Variants in BMPR1B observed in about 807,000 individuals in gnomAD.
The protein encoded by BMPR1B is bone morphogenetic protein receptor type-1B.
In BMPR1B, 12 loss-of-function variants were observed where a neutral mutation model predicts 59.1. That is an observed-to-expected ratio of 0.20 (90% confidence interval 0.13 to 0.33). BMPR1B has a LOEUF of 0.33. Ranked by LOEUF, BMPR1B falls within the 10% of genes least tolerant of loss-of-function variation. BMPR1B has a pLI of 1.00. For missense variants in BMPR1B, 550 were observed against 610.9 expected (o/e 0.90, Z 1.05); for synonymous variants, 237 against 207.3 (o/e 1.14, Z -1.23).
At chr4:94,923,577 T>C (rs964664879) in intron 2 of BMPR1B, among the ~76,000 whole-genome samples, 2 of 152,194 alleles carry the variant, frequency 1.3e-5, no homozygotes, top group African/African-American at 2.4e-5. Context: ...TGAGTGAACC[T>C]TCTTGGACTT....
chr4:94,961,314 C>T (rs564643730), intron 2 of BMPR1B, among the ~76,000 whole-genome samples: 1 of 152,124 alleles, frequency 6.6e-6, no homozygotes, highest in South Asian at 2.1e-4. Flanking sequence ...GGACAATGGC[C>T]GTTTTTCTGC....
intron 1 of BMPR1B, among the ~76,000 whole-genome samples, chr4:94,869,146 T>C (rs867890863): frequency 1.4e-5 from 2 of 147,888 alleles, no homozygotes; most frequent in Non-Finnish European, 3.0e-5. Flanking sequence ...ACACACACTT[T>C]GCTTTAAAGG....
intron 10 of BMPR1B, among the ~76,000 whole-genome samples, chr4:95,148,148 G>A (rs1160490164): frequency 2.0e-5 from 3 of 152,024 alleles, no homozygotes; most frequent in Non-Finnish European, 2.9e-5. Context: ...TGTCTTTGTT[G>A]GTTCTCTCCT....
At chr4:94,806,212 C>G in intron 1 of BMPR1B, among the ~76,000 whole-genome samples, 1 of 152,132 alleles carries the variant, frequency 6.6e-6, no homozygotes, top group East Asian at 1.9e-4. Flanking sequence ...ATGAAAAACT[C>G]AGCTCAGGCT....
intron 3 of BMPR1B, among the ~76,000 whole-genome samples, chr4:95,075,756 C>T (rs1004743982): frequency 6.6e-6 from 1 of 151,742 alleles, no homozygotes; most frequent in Admixed American, 6.6e-5. Flanking sequence ...AGAACACAGT[C>T]AGTTATTTCC....
intron 1 of BMPR1B, among the ~76,000 whole-genome samples, chr4:94,771,007 A>C (rs1356797372): frequency 6.6e-6 from 1 of 152,156 alleles, no homozygotes; most frequent in Non-Finnish European, 1.5e-5. Context: ...CAAATTGCTA[A>C]GAAGTAATTA....
At chr4:94,868,168 T>A (rs1046881916) in intron 1 of BMPR1B, among the ~76,000 whole-genome samples, 8 of 142,532 alleles carry the variant, frequency 5.6e-5, no homozygotes, top group Non-Finnish European at 9.1e-5. Context: ...CAGCCTTACT[T>A]CTTCTTTTTT....
intron 6 of BMPR1B, among the ~76,000 whole-genome samples, chr4:95,119,552 C>CTTGAATGG (rs1732321472): frequency 6.6e-6 from 1 of 152,082 alleles, no homozygotes; most frequent in Non-Finnish European, 1.5e-5. Context: ...TCCTGTTTGT[C>CTTGAATGG]CTGAATGGCT....
intron 3 of BMPR1B, among the ~76,000 whole-genome samples, chr4:95,009,533 A>G (rs1723079650): frequency 6.6e-6 from 1 of 152,192 alleles, no homozygotes; most frequent in Non-Finnish European, 1.5e-5. Flanking sequence ...AAAAATACAT[A>G]CAACATGATT....
Position 95,026,118 on chromosome 4 carries a change from C to CTTTT in BMPR1B, c.-18+29987_-18+29988insTTTT, listed in dbSNP as rs1724368887. Reference sequence around the variant, plus strand: ...CTTTCATTTCTTTCTTTCTTTCTTTCTTTCTTTCTTTCTTTCTTTCTTTCT... The same window carrying CTTTT: ...CTTTCATTTCTTTCTTTCTTTCTTTCTTTTTTTCTTTCTTTCTTTCTTTCTTTCT... On this transcript the variant is annotated intron_variant, in intron 3 of 12. Coordinates refer to ENST00000515059, the MANE Select transcript of BMPR1B (RefSeq NM_001203.3). 2.8e-5 allele frequency among the ~76,000 whole-genome samples: 4 copies of CTTTT among 143,432 alleles called. No individual in the cohort carries two copies. The South Asian group carries it at 6.8e-4, about 24-fold the overall frequency. 94.1% of individuals were successfully genotyped at this position (143,432 alleles called of 152,430 possible). A position where few individuals can be genotyped will look rare whatever the true frequency, so the allele number is the denominator to read the frequency against.
chr4:94,787,124 G>C (rs1017036818), intron 1 of BMPR1B, among the ~76,000 whole-genome samples: 1 of 152,160 alleles, frequency 6.6e-6, no homozygotes, highest in Admixed American at 6.5e-5. Flanking sequence ...ACCAGTTGCC[G>C]CCTAGTCTGA....
chr4:94,908,061 T>TTAAAAAA (rs1728115989), intron 2 of BMPR1B, among the ~76,000 whole-genome samples: 2 of 46,252 alleles, frequency 4.3e-5, no homozygotes, highest in African/African-American at 1.4e-4. Context: ...ACCCTGTCTT[T>TTAAAAAA]AAAAAAAAAA....
At chr4:95,094,977 G>A (rs985907774) in intron 3 of BMPR1B, among the ~76,000 whole-genome samples, 3 of 151,532 alleles carry the variant, frequency 2.0e-5, no homozygotes, top group Non-Finnish European at 4.4e-5. Flanking sequence ...TTTATATTTT[G>A]TTACTTTCCA....
chr4:94,964,096 T>G (rs13121253), intron 2 of BMPR1B, among the ~76,000 whole-genome samples: 90,655 of 151,906 alleles, frequency 0.6, 28,600 homozygotes, highest in African/African-American at 0.8. Context: ...TATTGTAAAT[T>G]GAATTCCTTT....
intron 3 of BMPR1B, among the ~76,000 whole-genome samples, chr4:95,054,488 G>C (rs954319161): frequency 4.6e-5 from 7 of 152,118 alleles, no homozygotes; most frequent in Admixed American, 3.3e-4. Flanking sequence ...TAGGGAAATG[G>C]GGAATTGCCT....
chr4:95,097,528 A>ACTTT (rs997957092), intron 3 of BMPR1B, among the ~76,000 whole-genome samples: 8 of 151,890 alleles, frequency 5.3e-5, no homozygotes, highest in African/African-American at 1.9e-4. Flanking sequence ...TCACTATTTG[A>ACTTT]CTTTCTTTCT....
At chr4:95,045,194 T>C (rs776154271) in intron 3 of BMPR1B, among the ~76,000 whole-genome samples, 8 of 152,218 alleles carry the variant, frequency 5.3e-5, no homozygotes, top group African/African-American at 1.2e-4. Flanking sequence ...ACTCACCTTA[T>C]TGTTCTCATT....
At chr4:95,044,791 A>T (rs1725916906) in intron 3 of BMPR1B, among the ~76,000 whole-genome samples, 1 of 152,204 alleles carries the variant, frequency 6.6e-6, no homozygotes. Context: ...GGCAGGAGGC[A>T]GCCTGAAAGA....
At chr4:94,797,171 C>G (rs1219767127) in intron 1 of BMPR1B, among the ~76,000 whole-genome samples, 2 of 152,150 alleles carry the variant, frequency 1.3e-5, no homozygotes, top group Non-Finnish European at 1.5e-5. Flanking sequence ...ATAAACCCAT[C>G]AAATCTCGTG....
Sources: allele counts gnomAD v4.1 joint callset (sites outside exome capture counted in the v4.1 genomes callset), GRCh38; gene constraint gnomAD v4.1.1; transcripts MANE v1.5; gene names NCBI Gene and HGNC (gene_info 2026-07-23, HGNC 2026-07-21).